PARD6G: variants seen among roughly 807,000 people sequenced by gnomAD.
PARD6G encodes partitioning defective 6 homolog gamma.
A neutral mutation model predicts 10.7 loss-of-function variants in PARD6G; 7 were observed. The observed-to-expected ratio is 0.66, with a 90% confidence interval of 0.37 to 1.23. The LOEUF is 1.23. PARD6G is among the 50% of genes most tolerant of loss of function. The probability of loss-of-function intolerance (pLI) is 0.02; values close to 1 mark genes in which losing one functional copy is unlikely to be tolerated. For synonymous variants in PARD6G, 287 were observed against 269.4 expected (o/e 1.07, Z -0.64); for missense variants, 548 against 571.8 (o/e 0.96, Z 0.42).
At position 80,236,790 on chromosome 18, in the gene PARD6G, A is replaced by G. The variant is rs550911692; in HGVS notation, c.72+10487T>C. On this transcript the variant is annotated intron_variant, in intron 1 of 2. Transcript: ENST00000353265. ...AAAACACCTAGGAAACCAACTTACAAGGGATGTGAAGGAACTTTTTCAAGG... is the reference window on the plus strand; with the variant it reads ...AAAACACCTAGGAAACCAACTTACAGGGGATGTGAAGGAACTTTTTCAAGG... Among the ~76,000 whole-genome samples, 101 of 152,326 alleles carry G rather than the reference A, an allele frequency of 6.6e-4. 1 individual carries two copies. Among genetic ancestry groups the G allele is most frequent in the African/African-American group, 2.3e-3 (94 of 41,564 alleles).
At chr18:80,222,237 G>T (rs117916614) in intron 1 of PARD6G, among the ~76,000 whole-genome samples, 1 of 151,562 alleles carries the variant, frequency 6.6e-6, no homozygotes, top group Non-Finnish European at 1.5e-5. Flanking sequence ...GGCATGCGCC[G>T]CCACACCTGG....
At chr18:80,230,218 C>A (rs949539873) in intron 1 of PARD6G, among the ~76,000 whole-genome samples, 1 of 152,220 alleles carries the variant, frequency 6.6e-6, no homozygotes, top group African/African-American at 2.4e-5. Flanking sequence ...AAGGATCTCA[C>A]GCGTGTGCAT....
chr18:80,222,996 A>C (rs1173347384), intron 1 of PARD6G, among the ~76,000 whole-genome samples: 1 of 152,198 alleles, frequency 6.6e-6, no homozygotes, highest in Non-Finnish European at 1.5e-5. Context: ...TTTTGACAAG[A>C]ATGTTAAGAC....
chr18:80,160,994 T>A (rs1031731084), intron 2 of PARD6G, among the ~76,000 whole-genome samples: 1 of 152,168 alleles, frequency 6.6e-6, no homozygotes, highest in Non-Finnish European at 1.5e-5. Context: ...CATATTTCCT[T>A]CTCTCAACTG....
intron 1 of PARD6G, among the ~76,000 whole-genome samples, chr18:80,222,887 G>T (rs915443251): frequency 6.6e-6 from 1 of 152,054 alleles, no homozygotes; most frequent in Non-Finnish European, 1.5e-5. Context: ...TATTGCCCAG[G>T]CTGGTCTTGA....
intron 2 of PARD6G, among the ~76,000 whole-genome samples, chr18:80,173,624 A>T (rs915359839): frequency 1.1e-5 from 1 of 91,286 alleles, no homozygotes; most frequent in East Asian, 2.3e-4. Flanking sequence ...GACTTCATCT[A>T]AAAAAAAAAG....
rs536189696 is a variant in PARD6G, at chr18:80,161,184, AG to A, written c.296-579del. 1.4e-4 allele frequency among the ~76,000 whole-genome samples: 22 copies of A among 152,064 alleles called. No homozygotes were observed. The highest frequency in any genetic ancestry group is 2.2e-4 in the Non-Finnish European group (15 of 68,014). ...CTGCGTTTTTGGTTAGCAGCTGATG[AG>A]GGGAGATGAGTAGAGGAAGGAGTGG... is the stretch of plus-strand genomic sequence containing the variant. On this transcript the variant is annotated intron_variant, in intron 2 of 2. Coordinates refer to ENST00000353265, the MANE Select transcript of PARD6G (RefSeq NM_032510.4). The surrounding 1 kb of genome is among the most constrained non-coding windows in gnomAD (Gnocchi z 4.6).
chr18:80,164,008 G>C (rs56060717), intron 2 of PARD6G, among the ~76,000 whole-genome samples: 40,999 of 152,114 alleles, frequency 0.27, 6,822 homozygotes, highest in Non-Finnish European at 0.39. Flanking sequence ...CAGCAACCTG[G>C]ATGCACCAAC....
chr18:80,186,051 C>G (rs1476150196), intron 2 of PARD6G, among the ~76,000 whole-genome samples: 7 of 145,890 alleles, frequency 4.8e-5, no homozygotes, highest in Non-Finnish European at 1.0e-4. Context: ...CACACCCTCA[C>G]ACGCATGCAC....
chr18:80,164,871 T>C (rs1599842514), intron 2 of PARD6G, among the ~76,000 whole-genome samples: 1 of 152,092 alleles, frequency 6.6e-6, no homozygotes, highest in South Asian at 2.1e-4. Context: ...GATCACATGC[T>C]TCAAAAGGCA....
At chr18:80,179,660 C>T (rs1346124071) in intron 2 of PARD6G, among the ~76,000 whole-genome samples, 1 of 152,242 alleles carries the variant, frequency 6.6e-6, no homozygotes, top group African/African-American at 2.4e-5. Context: ...TGTGGTCTCA[C>T]TGCTGCCCCT....
chr18:80,160,897 T>A (rs1014166583), intron 2 of PARD6G, among the ~76,000 whole-genome samples: 1 of 151,998 alleles, frequency 6.6e-6, no homozygotes, highest in Admixed American at 6.5e-5. Context: ...CAGTGGAGGG[T>A]TTAGGGCTTG....
chr18:80,197,876 C>T (rs1413370536), intron 2 of PARD6G, among the ~76,000 whole-genome samples: 1 of 152,208 alleles, frequency 6.6e-6, no homozygotes, highest in Admixed American at 6.5e-5. Flanking sequence ...GTATTTACAA[C>T]CTAAATACGC....
In PARD6G at chr18:80,160,130, G is replaced by A. The variant is rs1568423970; in HGVS notation, c.772C>T (p.Arg258Cys). 1 of 1,612,708 alleles carries A rather than the reference G, an allele frequency of 6.2e-7. No individual in the cohort carries two copies. ...GAGCTGCCCAACGCGCGGCCGCCGC[G>A]CACCACGTTGTTGCGCTGGTTGGCG... is the stretch of plus-strand genomic sequence containing the variant. ...KPANQRNNVVRGGRALGSSGP... is the reference protein window; with the variant it reads ...KPANQRNNVVCGGRALGSSGP... Residue 258 changes from arginine to cysteine, a missense_variant, in exon 3 of 3, where the codon CGC becomes TGC. Arg to Cys is a radical substitution (Grantham distance 180, BLOSUM62 -3). This residue lies in a region of PARD6G where 313 missense variants were observed against 279.9 expected (regional missense o/e 1.12). Coordinates refer to ENST00000353265, the MANE Select transcript of PARD6G (RefSeq NM_032510.4).
At chr18:80,232,077 A>G (rs895066359) in intron 1 of PARD6G, among the ~76,000 whole-genome samples, 2 of 152,204 alleles carry the variant, frequency 1.3e-5, no homozygotes, top group Non-Finnish European at 2.9e-5. Flanking sequence ...AAAAAATGAA[A>G]TAACCTTTTA....
chr18:80,180,383 G>C lies in PARD6G; in HGVS notation c.296-19777C>G, dbSNP rs2052842180. Among the ~76,000 whole-genome samples, 1 of 152,158 alleles carries C rather than the reference G, an allele frequency of 6.6e-6. No homozygotes were observed. The highest frequency in any genetic ancestry group is 2.4e-5 in the African/African-American group (1 of 41,430). On this transcript the variant is annotated intron_variant, in intron 2 of 2. Transcript: ENST00000353265. The surrounding 1 kb of genome is among the most constrained non-coding windows in gnomAD (Gnocchi z 5.6). ...GGAGGGGCGCAGCCGGCAGCACCTG[G>C]GAATGCAGCACTGTGCTCTTCCTGG...
In PARD6G at chr18:80,188,909, A is replaced by G. The variant is rs947327546; in HGVS notation, c.295+13801T>C. On this transcript the variant is annotated intron_variant, in intron 2 of 2. Transcript: ENST00000353265. The surrounding 1 kb of genome is among the most constrained non-coding windows in gnomAD (Gnocchi z 5.4). ...TGTGGACTTGCTGGGGCATCTGAAC[A>G]CAAGAGTGACCTGGGGGGTGAATGC... Among the ~76,000 whole-genome samples the G allele has an allele frequency of 2.6e-5, 4 of 152,280 alleles. No homozygotes were observed. Among genetic ancestry groups the G allele is most frequent in the Admixed American group, 2.6e-4 (4 of 15,308 alleles).
At chr18:80,185,324 G>A (rs571962974) in intron 2 of PARD6G, among the ~76,000 whole-genome samples, 63 of 151,218 alleles carry the variant, frequency 4.2e-4, no homozygotes, top group Admixed American at 3.4e-3. Context: ...TTTTTTTTAA[G>A]AGGCGAAGTC....
chr18:80,241,495 T>C (rs1196197337), intron 1 of PARD6G, among the ~76,000 whole-genome samples: 2 of 145,346 alleles, frequency 1.4e-5, no homozygotes, highest in African/African-American at 5.7e-5. Context: ...CGTTACAGTA[T>C]TGTGATGGGC....
Sources: allele counts gnomAD v4.1 joint callset (sites outside exome capture counted in the v4.1 genomes callset), GRCh38; gene constraint gnomAD v4.1.1; regional missense constraint gnomAD v4.1.1; non-coding constraint Gnocchi (gnomAD v3.1); transcripts MANE v1.5; gene names NCBI Gene and HGNC (gene_info 2026-07-23, HGNC 2026-07-21).